Variants in ITPR2 observed in about 807,000 individuals in gnomAD.
ITPR2 encodes inositol 1,4,5-trisphosphate-gated calcium channel ITPR2.
Under a neutral mutation model 317.1 loss-of-function variants are expected in ITPR2, and 207 were observed. The observed-to-expected ratio is 0.65, with a 90% CI of 0.58 to 0.73. ITPR2 has a LOEUF of 0.73. ITPR2 is among the 30% of genes least tolerant of loss of function. ITPR2 has a pLI of 0.00. For missense variants in ITPR2, 2,613 were observed against 3,284.0 expected (o/e 0.80, Z 4.99); for synonymous variants, 1,156 against 1,149.1 (o/e 1.01, Z -0.12).
intron 37 of ITPR2, among the ~76,000 whole-genome samples, chr12:26,526,461 T>A (rs533382374): frequency 6.6e-6 from 1 of 152,252 alleles, no homozygotes; most frequent in African/African-American, 2.4e-5. Flanking sequence ...TACACTATAA[T>A]AAAATAAGGG....
rs192492918 is a variant in ITPR2, at chr12:26,514,340, T to A, written c.5074-19080A>T. ...ATTACAGTATTGCTGTTTCCTTTAA[T>A]GAAGTCCCGAAAATGATTTACAGGA... On this transcript the variant is annotated intron_variant, in intron 37 of 56. Coordinates refer to ENST00000381340, the MANE Select transcript of ITPR2 (RefSeq NM_002223.4). Among the ~76,000 whole-genome samples the A allele has an allele frequency of 8.2e-4, 125 of 152,356 alleles. 2 individuals are homozygous for A. The highest frequency in any genetic ancestry group is 7.3e-3 in the Admixed American group (112 of 15,310).
At chr12:26,485,978 G>T in intron 41 of ITPR2, 126 bp downstream of exon 41, 1 of 992,520 alleles carries the variant, frequency 1.0e-6, no homozygotes, top group Non-Finnish European at 1.5e-6. Flanking sequence ...TTTCAGAGGA[G>T]CACTATTGCT....
chr12:26,395,594 A>AG (rs1315183951), intron 54 of ITPR2, among the ~76,000 whole-genome samples: 1 of 151,818 alleles, frequency 6.6e-6, no homozygotes, highest in African/African-American at 2.4e-5. Context: ...ATGACCGTGA[A>AG]AAAAAGGGCA....
intron 32 of ITPR2, 50 bp downstream of exon 32, chr12:26,595,415 T>C (rs778796212): frequency 5.1e-6 from 8 of 1,559,028 alleles, no homozygotes; most frequent in South Asian, 3.6e-5. Context: ...CTTAATACTA[T>C]TTAGTCGAAA....
At chr12:26,549,822 A>G (rs1944481260) in intron 37 of ITPR2, among the ~76,000 whole-genome samples, 1 of 151,986 alleles carries the variant, frequency 6.6e-6, no homozygotes, top group South Asian at 2.1e-4. Context: ...TTGGCAGAAT[A>G]TTATAAAAAA....
At chr12:26,742,166 C>T (rs1949241495) in intron 2 of ITPR2, among the ~76,000 whole-genome samples, 1 of 152,194 alleles carries the variant, frequency 6.6e-6, no homozygotes, top group South Asian at 2.1e-4. Context: ...GAAATGAGTG[C>T]TTTTGCCCAC....
chr12:26,569,048 A>G (rs1418911759), intron 34 of ITPR2, among the ~76,000 whole-genome samples: 2 of 152,204 alleles, frequency 1.3e-5, no homozygotes. Context: ...CCTCACAACT[A>G]AATGTATCCC....
chr12:26,714,168 T>G (rs1198607483), intron 8 of ITPR2, among the ~76,000 whole-genome samples: 39 of 152,248 alleles, frequency 2.6e-4, no homozygotes, highest in Admixed American at 2.6e-3. Context: ...TCAGCTCATT[T>G]GCAGAGGCAT....
At position 26,724,740 on chromosome 12, in the gene ITPR2, G is replaced by A. The variant is rs771557901; in HGVS notation, c.282C>T (p.His94=). The change falls in exon 4 of 57, where the codon CAC becomes CAT. Residue 94 remains histidine, a splice_region_variant and synonymous_variant. Transcript: ENST00000381340. ...TEAALLKKLQ[H]AAELEQKQNE... Reference sequence around the variant, plus strand: ...TTTGTTTTTGTTCCAGTTCTGCAGCGTGCTATAAGATGATTATCAAATATT... The same window carrying A: ...TTTGTTTTTGTTCCAGTTCTGCAGCATGCTATAAGATGATTATCAAATATT... 2.1e-5 allele frequency: 33 copies of A among 1,599,750 alleles called. No homozygotes were observed. The highest frequency in any genetic ancestry group is 4.4e-5 in the South Asian group (4 of 90,414).
chr12:26,590,325 T>A (rs1945668028), intron 32 of ITPR2, among the ~76,000 whole-genome samples: 1 of 152,226 alleles, frequency 6.6e-6, no homozygotes, highest in African/African-American at 2.4e-5. Context: ...AGTAAACACA[T>A]CTTTAACTGA....
chr12:26,630,915 A>G (rs1464151368), intron 22 of ITPR2, among the ~76,000 whole-genome samples: 2 of 152,184 alleles, frequency 1.3e-5, no homozygotes, highest in African/African-American at 2.4e-5. Context: ...GGTCATGAAC[A>G]CAGCATTGGG....
intron 26 of ITPR2, among the ~76,000 whole-genome samples, chr12:26,611,905 T>C (rs1314705410): frequency 1.3e-5 from 2 of 152,252 alleles, no homozygotes; most frequent in Non-Finnish European, 2.9e-5. Context: ...TATTGTCAAC[T>C]TGTTATATTT....
At chr12:26,347,513 G>T (rs1180247270) in intron 55 of ITPR2, among the ~76,000 whole-genome samples, 1 of 152,140 alleles carries the variant, frequency 6.6e-6, no homozygotes, top group East Asian at 1.9e-4. Context: ...TGAGGCAAGG[G>T]GATTAGTTAC....
intron 34 of ITPR2, among the ~76,000 whole-genome samples, chr12:26,564,324 AAAC>A (rs1248390509): frequency 2.0e-5 from 3 of 152,238 alleles, no homozygotes; most frequent in African/African-American, 7.2e-5. Context: ...ATTATTAAGA[AAAC>A]AATATAAGAC....
At chr12:26,610,038 A>C (rs1946227167) in intron 26 of ITPR2, among the ~76,000 whole-genome samples, 1 of 152,234 alleles carries the variant, frequency 6.6e-6, no homozygotes, top group African/African-American at 2.4e-5. Flanking sequence ...GAGACAAGAA[A>C]ACAGATTCCA....
At chr12:26,537,732 A>G (rs1944138009) in intron 37 of ITPR2, among the ~76,000 whole-genome samples, 1 of 152,222 alleles carries the variant, frequency 6.6e-6, no homozygotes, top group Non-Finnish European at 1.5e-5. Flanking sequence ...CCATGACTGT[A>G]TAAGTAATAT....
At chr12:26,568,834 C>A (rs1000017411) in intron 34 of ITPR2, among the ~76,000 whole-genome samples, 1 of 152,182 alleles carries the variant, frequency 6.6e-6, no homozygotes, top group Non-Finnish European at 1.5e-5. Context: ...TAAATCTGTA[C>A]TGAAGCACCA....
intron 28 of ITPR2, among the ~76,000 whole-genome samples, chr12:26,601,191 T>C (rs1565632215): frequency 6.6e-6 from 1 of 152,198 alleles, no homozygotes. Flanking sequence ...ATTTGTCATG[T>C]GGGCATTGTT....
intron 2 of ITPR2, among the ~76,000 whole-genome samples, chr12:26,786,993 G>T (rs959268315): frequency 6.6e-6 from 1 of 151,402 alleles, no homozygotes; most frequent in Non-Finnish European, 1.5e-5. Context: ...GCAAATCTAC[G>T]AAACAGCAAT....
Sources: gnomAD v4.1 joint callset for allele counts (sites outside exome capture counted in the v4.1 genomes callset) on GRCh38, gnomAD v4.1.1 for gene constraint, MANE v1.5 for transcripts, NCBI Gene and HGNC (gene_info 2026-07-23, HGNC 2026-07-21) for gene names.